The following GCA variants were observed in gnomAD, a reference collection of about 807,000 sequenced individuals.
GCA encodes the protein grancalcin, EF-hand calcium-binding protein.
GCA carries 30 observed loss-of-function variants against 32.6 expected under a neutral mutation model. The observed-to-expected ratio is 0.92, with a 90% CI of 0.69 to 1.25. The LOEUF (loss-of-function observed/expected upper bound fraction) is 1.25, where lower values mean the gene tolerates loss of function less well. Among genes scored for constraint, GCA ranks in the 50% most tolerant of loss-of-function variants. The pLI, the probability that GCA is intolerant of heterozygous loss-of-function variation, is 0.00. For missense variants in GCA, 291 were observed against 266.8 expected (o/e 1.09, Z -0.63); for synonymous variants, 102 against 84.6 (o/e 1.21, Z -1.13).
At position 162,361,523 on chromosome 2, in the gene GCA, A is replaced by T. The variant is rs1045630208; in HGVS notation, c.*1280A>T. The T allele has an allele frequency of 3.1e-6, 3 of 979,204 alleles. No individual in the cohort carries two copies. Among genetic ancestry groups the T allele is most frequent in the African/African-American group, 3.5e-5 (2 of 57,060 alleles). 60.7% of individuals were successfully genotyped at this position (979,204 alleles called of 1,614,324 possible). A position where few individuals can be genotyped will look rare whatever the true frequency, so the allele number is the denominator to read the frequency against. ...TATAAAATCCCATGTTTCTTAATGG[A>T]TGGAGGATAGATGGCAATATCTTGA... is the stretch of plus-strand genomic sequence containing the variant. On this transcript the variant is annotated 3_prime_UTR_variant, in exon 8 of 8. Coordinates refer to ENST00000437150, the MANE Select transcript of GCA (RefSeq NM_012198.5).
chr2:162,354,757 A>G (rs1685179625), intron 3 of GCA, among the ~76,000 whole-genome samples: 1 of 152,150 alleles, frequency 6.6e-6, no homozygotes, highest in African/African-American at 2.4e-5. Flanking sequence ...TTCAACTTGC[A>G]AAATTTTGTT....
intron 6 of GCA, 48 bp downstream of exon 6, chr2:162,359,205 C>T (rs1309850360): frequency 9.8e-7 from 1 of 1,016,772 alleles, no homozygotes; most frequent in Non-Finnish European, 1.5e-6. Flanking sequence ...AGCTATTTTT[C>T]TTGAATAATG....
intron 1 of GCA, among the ~76,000 whole-genome samples, chr2:162,323,187 T>C (rs1230880212): frequency 1.3e-5 from 2 of 151,934 alleles, no homozygotes; most frequent in Admixed American, 1.3e-4. Context: ...CATGTGTTTT[T>C]TGGCTGCATA....
chr2:162,344,602 T>G (rs1684587732), intron 1 of GCA: 2 of 430,306 alleles, frequency 4.6e-6, no homozygotes, highest in Non-Finnish European at 8.4e-6. Flanking sequence ...TTGTGGTACT[T>G]CCCTCCCCCG....
chr2:162,353,395 G>T (rs1179729724), intron 3 of GCA, among the ~76,000 whole-genome samples: 1 of 152,196 alleles, frequency 6.6e-6, no homozygotes, highest in African/African-American at 2.4e-5. Context: ...TTGAACCCAG[G>T]AGGCAGAGGT....
At position 162,359,102 on chromosome 2, in the gene GCA, C is replaced by G; in HGVS notation, c.513C>G (p.Gly171=). ...TTIVKRYSKN[G]RIFFDDYVAC... ...TTGTTAAACGTTATAGCAAGAATGG[C>G]AGAATTTTCTTTGATGATTATGTTG... is the stretch of plus-strand genomic sequence containing the variant. The change falls in exon 6 of 8, where the codon GGC becomes GGG. Residue 171 remains glycine, a synonymous_variant. Transcript: ENST00000437150. 1.2e-6 allele frequency: 2 copies of G among 1,606,950 alleles called. No homozygotes were observed. The highest frequency in any genetic ancestry group is 1.1e-5 in the South Asian group (1 of 90,644).
At chr2:162,366,042 A>G (rs1685739293), downstream of GCA, among the ~76,000 whole-genome samples, 1 of 151,730 alleles carries the variant, frequency 6.6e-6, no homozygotes, top group African/African-American at 2.4e-5. Context: ...AAACATTAAA[A>G]TACACAAGAG....
chr2:162,361,372 C>T lies in GCA; in HGVS notation c.*1129C>T, dbSNP rs1685564748. 2.1e-6 allele frequency: 2 copies of T among 974,128 alleles called. No homozygotes were observed. Among genetic ancestry groups the T allele is most frequent in the South Asian group, 4.7e-5 (1 of 21,070 alleles). 60.3% of individuals were successfully genotyped at this position (974,128 alleles called of 1,614,324 possible). On this transcript the variant is annotated 3_prime_UTR_variant, in exon 8 of 8. Transcript: ENST00000437150. ...AATGTAATTTCTTTCTTGGCAAACA[C>T]CTCATGTCTGTCTTAGTGAAGATTT... is the stretch of plus-strand genomic sequence containing the variant.
At chr2:162,345,093 A>ATGGTGGTGGTGGAGG (rs1684618812) in intron 1 of GCA, among the ~76,000 whole-genome samples, 1 of 109,346 alleles carries the variant, frequency 9.1e-6, no homozygotes, top group Non-Finnish European at 1.9e-5. Context: ...CTTGGAGTTC[A>ATGGTGGTGGTGGAGG]TGGTGGTGGT....
chr2:162,322,386 TTTATTTA>T (rs1683703572), intron 1 of GCA, among the ~76,000 whole-genome samples: 1 of 117,112 alleles, frequency 8.5e-6, no homozygotes, highest in African/African-American at 3.1e-5. Flanking sequence ...TTTATTTTAC[TTTATTTA>T]TTTATTTATT....
intron 2 of GCA, among the ~76,000 whole-genome samples, chr2:162,348,924 T>A (rs1022951764): frequency 6.6e-6 from 1 of 152,026 alleles, no homozygotes; most frequent in Non-Finnish European, 1.5e-5. Flanking sequence ...AAGATGCCAA[T>A]GTCTTCCAAA....
chr2:162,322,064 C>T (rs1683692986), intron 1 of GCA, among the ~76,000 whole-genome samples: 1 of 150,204 alleles, frequency 6.7e-6, no homozygotes, highest in Middle Eastern at 3.4e-3. Flanking sequence ...ACTGTCGTAG[C>T]TTTTTATTTC....
At chr2:162,343,402 C>T (rs1393610603), upstream of GCA, among the ~76,000 whole-genome samples, 2 of 152,104 alleles carry the variant, frequency 1.3e-5, no homozygotes, top group African/African-American at 4.8e-5. Context: ...TACAGGACAC[C>T]GTCTATATTA....
chr2:162,347,548 T>A, intron 1 of GCA, 30 bp from the exon 2 acceptor site: 1 of 1,457,902 alleles, frequency 6.9e-7, no homozygotes, highest in Non-Finnish European at 9.4e-7. Context: ...GTATTTATAT[T>A]ACTAACCTTC....
intron 2 of GCA, among the ~76,000 whole-genome samples, chr2:162,350,998 C>T (rs539186562): frequency 1.3e-5 from 2 of 152,158 alleles, no homozygotes; most frequent in East Asian, 3.9e-4. Flanking sequence ...ACTGAACTTA[C>T]ATCTACAGCC....
At chr2:162,372,188 C>G, downstream of GCA, 4 of 1,027,406 alleles carry the variant, frequency 3.9e-6, no homozygotes, top group South Asian at 6.7e-5. Context: ...ATTTTCTTTC[C>G]TCATTAATCT....
chr2:162,341,577 A>C (rs563144841), upstream of GCA, among the ~76,000 whole-genome samples: 3 of 152,236 alleles, frequency 2.0e-5, no homozygotes, highest in Non-Finnish European at 4.4e-5. Context: ...GAAAGGATGT[A>C]CCCTGTGTAA....
chr2:162,363,354 T>G (rs1685654916), downstream of GCA, among the ~76,000 whole-genome samples: 2 of 151,538 alleles, frequency 1.3e-5, no homozygotes, highest in Non-Finnish European at 3.0e-5. Flanking sequence ...TCCCAATTTT[T>G]GGGTTGCAAT....
chr2:162,344,563 A>G, intron 1 of GCA: 3 of 498,314 alleles, frequency 6.0e-6, no homozygotes, highest in Non-Finnish European at 1.1e-5. Flanking sequence ...TGGAGGAACA[A>G]GCCACCCTCT....
Sources: gnomAD v4.1 joint callset for allele counts (sites outside exome capture counted in the v4.1 genomes callset) on GRCh38, gnomAD v4.1.1 for gene constraint, MANE v1.5 for transcripts, NCBI Gene and HGNC (gene_info 2026-07-23, HGNC 2026-07-21) for gene names.